AKT3: variants seen among roughly 807,000 people sequenced by gnomAD.
AKT3 encodes the protein AKT serine/threonine kinase 3.
Under a neutral mutation model 65.3 loss-of-function variants are expected in AKT3, and 15 were observed. That is an observed-to-expected ratio of 0.23 (90% CI 0.15 to 0.35). AKT3 has a LOEUF of 0.35. Ranked by LOEUF, AKT3 falls within the 10% of genes least tolerant of loss-of-function variation. The pLI is 1.00. For synonymous variants in AKT3, 206 were observed against 183.8 expected (o/e 1.12, Z -0.98); for missense variants, 243 against 576.5 (o/e 0.42, Z 5.92).
chr1:243,806,676 A>G (rs1692747852), intron 2 of AKT3, among the ~76,000 whole-genome samples: 2 of 152,166 alleles, frequency 1.3e-5, no homozygotes, highest in Admixed American at 1.3e-4. Context: ...TCACATAGCT[A>G]TTTGATGTGT....
rs968269952 is a variant in AKT3, at chr1:243,623,997, C to A, written c.562-8836G>T. Among the ~76,000 whole-genome samples, 10 of 152,172 alleles carry A rather than the reference C, an allele frequency of 6.6e-5. No homozygotes were observed. In the South Asian group the frequency reaches 2.1e-3, roughly 31 times the overall value. ...TTCCCTTTGCTGATTTTAATCTGTA[C>A]TTTTCACTATCATAAACAATAACCA... On this transcript the variant is annotated intron_variant, in intron 6 of 13. Coordinates refer to ENST00000673466, the MANE Select transcript of AKT3 (RefSeq NM_005465.7).
chr1:243,692,519 G>A (rs1558725459), intron 3 of AKT3, among the ~76,000 whole-genome samples: 1 of 151,164 alleles, frequency 6.6e-6, no homozygotes, highest in Non-Finnish European at 1.5e-5. Context: ...GATCACCTGA[G>A]GTCACGAGTT....
At chr1:243,832,193 G>C (rs1313226230) in intron 2 of AKT3, among the ~76,000 whole-genome samples, 1 of 135,970 alleles carries the variant, frequency 7.4e-6, no homozygotes, top group Non-Finnish European at 1.5e-5. Context: ...GTCACTTCTA[G>C]GTTGAAATTC....
At chr1:243,556,419 A>G (rs551574566) in intron 10 of AKT3, among the ~76,000 whole-genome samples, 52 of 152,210 alleles carry the variant, frequency 3.4e-4, no homozygotes, top group Middle Eastern at 6.8e-3. Flanking sequence ...ATTCATTACA[A>G]TATTTGTTTA....
intron 4 of AKT3, among the ~76,000 whole-genome samples, chr1:243,649,569 C>G (rs1409513552): frequency 6.6e-6 from 1 of 152,032 alleles, no homozygotes; most frequent in Non-Finnish European, 1.5e-5. Context: ...CCCTAGCCCC[C>G]AACTCCCTGA....
At chr1:243,511,333 G>T (rs751516090) in intron 13 of AKT3, among the ~76,000 whole-genome samples, 8 of 152,170 alleles carry the variant, frequency 5.3e-5, no homozygotes, top group Non-Finnish European at 8.8e-5. Context: ...ATGGTCCCAA[G>T]ATTAAGACCT....
chr1:243,721,297 C>A (rs1018634778), intron 2 of AKT3, among the ~76,000 whole-genome samples: 1 of 152,100 alleles, frequency 6.6e-6, no homozygotes, highest in Non-Finnish European at 1.5e-5. Flanking sequence ...GAGGAAGAAA[C>A]ATTACAAGAG....
rs940239447 is a variant in AKT3 at position 243,494,634 on chromosome 1, C to T, written c.*6+5103G>A. 5.3e-5 allele frequency among the ~76,000 whole-genome samples: 8 copies of T among 152,318 alleles called. No individual in the cohort carries two copies. The East Asian group carries it at 9.6e-4, about 18-fold the overall frequency. Reference sequence around the variant, plus strand: ...TTCATTTTAGCCAGACTTGCTCTTCCGTTAACAGTTCACTTTGTCCAAGAG... The same window carrying T: ...TTCATTTTAGCCAGACTTGCTCTTCTGTTAACAGTTCACTTTGTCCAAGAG... On this transcript the variant is annotated intron_variant, in intron 13 of 13. Coordinates refer to the AKT3 transcript ENST00000336199.
intron 2 of AKT3, among the ~76,000 whole-genome samples, chr1:243,708,047 TGCTATCA>T (rs1685915641): frequency 6.6e-6 from 1 of 152,044 alleles, no homozygotes; most frequent in Admixed American, 6.6e-5. Context: ...CTAGAATATC[TGCTATCA>T]AAGACACAAA....
intron 3 of AKT3, among the ~76,000 whole-genome samples, chr1:243,673,536 TA>T (rs1345018969): frequency 6.6e-6 from 1 of 151,406 alleles, no homozygotes; most frequent in East Asian, 1.9e-4. Flanking sequence ...GAAACAGAAG[TA>T]AATTACTCAG....
chr1:243,838,863 A>G (rs1241936209), intron 2 of AKT3, among the ~76,000 whole-genome samples: 2 of 152,222 alleles, frequency 1.3e-5, no homozygotes, highest in Non-Finnish European at 2.9e-5. Context: ...CTGGTTACAC[A>G]TAGAGAATAC....
intron 2 of AKT3, among the ~76,000 whole-genome samples, chr1:243,830,176 G>GT: frequency 6.6e-6 from 1 of 152,292 alleles, no homozygotes; most frequent in East Asian, 1.9e-4. Flanking sequence ...ACAGGACAGT[G>GT]TAACAACCAC....
At chr1:243,754,364 C>T (rs894434357) in intron 2 of AKT3, among the ~76,000 whole-genome samples, 2 of 152,202 alleles carry the variant, frequency 1.3e-5, no homozygotes, top group Non-Finnish European at 2.9e-5. Context: ...TTTGATTTTA[C>T]TGTGAGCAGT....
chr1:243,689,711 T>C (rs1235057080), intron 3 of AKT3, among the ~76,000 whole-genome samples: 1 of 152,066 alleles, frequency 6.6e-6, no homozygotes, highest in Non-Finnish European at 1.5e-5. Context: ...TTCTAGCACT[T>C]TGGGAGGCCA....
chr1:243,695,531 A>T, intron 3 of AKT3, 60 bp downstream of exon 3: 1 of 1,459,480 alleles, frequency 6.9e-7, no homozygotes. Flanking sequence ...AAGATATCTG[A>T]CACATAAAAT....
At chr1:243,666,189 A>C (rs1268359555) in intron 3 of AKT3, among the ~76,000 whole-genome samples, 1 of 152,068 alleles carries the variant, frequency 6.6e-6, no homozygotes, top group Non-Finnish European at 1.5e-5. Flanking sequence ...ATTTTAGTAG[A>C]GATGGGGTTT....
At chr1:243,775,036 T>C (rs1337355762) in intron 2 of AKT3, among the ~76,000 whole-genome samples, 1 of 151,698 alleles carries the variant, frequency 6.6e-6, no homozygotes. Flanking sequence ...CTAATTTTTG[T>C]ATTTTTTGTA....
chr1:243,731,660 T>C (rs1013642477), intron 2 of AKT3, among the ~76,000 whole-genome samples: 1 of 152,232 alleles, frequency 6.6e-6, no homozygotes, highest in African/African-American at 2.4e-5. Context: ...TCTCAGTTCA[T>C]GGAATGATCA....
At chr1:243,526,558 G>A (rs1671095108) in intron 12 of AKT3, among the ~76,000 whole-genome samples, 1 of 151,892 alleles carries the variant, frequency 6.6e-6, no homozygotes, top group South Asian at 2.1e-4. Flanking sequence ...CTAGTCAACT[G>A]ACATATTACA....
Sources: allele counts gnomAD v4.1 joint callset (sites outside exome capture counted in the v4.1 genomes callset), GRCh38; gene constraint gnomAD v4.1.1; transcripts MANE v1.5; gene names NCBI Gene and HGNC (gene_info 2026-07-23, HGNC 2026-07-21).